AARSD1: variants seen among roughly 807,000 people sequenced by gnomAD.
AARSD1 encodes alanyl-tRNA synthetase domain containing 1, also known as alanyl-tRNA editing protein Aarsd1.
Under a neutral mutation model 48.7 loss-of-function variants are expected in AARSD1, and 44 were observed. The ratio of observed to expected loss-of-function variants is 0.90; its 90% CI spans 0.71 to 1.16. The LOEUF is 1.16. Among genes scored for constraint, AARSD1 ranks in the 50% most tolerant of loss-of-function variants. The pLI is 0.00. For synonymous variants in AARSD1, 189 were observed against 194.9 expected, an observed-to-expected ratio of 0.97 and a Z score of 0.25; for missense variants, 511 against 523.1, an observed-to-expected ratio of 0.98 and a Z score of 0.23.
intron 11 of AARSD1, among the ~76,000 whole-genome samples, chr17:42,951,549 CA>C (rs1367340684): frequency 1.3e-5 from 2 of 151,890 alleles, no homozygotes; most frequent in Non-Finnish European, 1.5e-5. Flanking sequence ...GACTCCATCT[CA>C]AAAAACAAAA....
At position 42,951,706 on chromosome 17, in the gene AARSD1, G is replaced by C. The variant is rs2049480976; in HGVS notation, c.1103+94C>G. 6.0e-6 allele frequency: 8 copies of C among 1,334,426 alleles called. No individual in the cohort carries two copies. The South Asian group carries it at 7.5e-5, about 12-fold the overall frequency. The allele number at this position is 1,334,426 out of a possible 1,614,324, so 82.7% of individuals were successfully genotyped here. On this transcript the variant is annotated intron_variant, in intron 11 of 11. Transcript: ENST00000427569. ...CATGCCCATGATGTGAATTAAATGA[G>C]ATCGCAGATGTGATGGTCCTTTGAC... is the stretch of plus-strand genomic sequence containing the variant.
At chr17:42,953,884 A>T (rs953838390) in intron 9 of AARSD1, 106 bp from the exon 10 acceptor site, 4 of 1,372,386 alleles carry the variant, frequency 2.9e-6, no homozygotes, top group Non-Finnish European at 4.1e-6. Flanking sequence ...CTATGTACAC[A>T]TAAAGTCCCA....
intron 3 of AARSD1, among the ~76,000 whole-genome samples, chr17:42,960,766 T>C (rs1211924678): frequency 6.7e-6 from 1 of 150,298 alleles, no homozygotes; most frequent in African/African-American, 2.4e-5. Flanking sequence ...GACTCAGTGA[T>C]TGGCTGGCTG....
intron 3 of AARSD1, among the ~76,000 whole-genome samples, chr17:42,958,369 C>T (rs1361395055): frequency 6.6e-6 from 1 of 151,224 alleles, no homozygotes; most frequent in Admixed American, 6.6e-5. Flanking sequence ...GGTGTGGTGG[C>T]ATGCACCTGT....
At chr17:42,957,625 C>T (rs964697263) in intron 3 of AARSD1, 45 of 153,972 alleles carry the variant, frequency 2.9e-4, no homozygotes, top group Non-Finnish European at 5.8e-5. Flanking sequence ...CGTGCATCAC[C>T]GTGCCCGGCT....
At chr17:42,959,373 G>A (rs1434054478) in intron 3 of AARSD1, among the ~76,000 whole-genome samples, 2 of 151,326 alleles carry the variant, frequency 1.3e-5, no homozygotes, top group African/African-American at 4.9e-5. Context: ...GCACCACCAC[G>A]CCCAGCTAAT....
intron 2 of AARSD1, 61 bp from the exon 3 acceptor site, chr17:42,961,412 C>A (rs576920281): frequency 1.2e-6 from 2 of 1,609,118 alleles, no homozygotes; most frequent in South Asian, 1.1e-5. Flanking sequence ...CTTCTAGGTA[C>A]AAAGACCCTC....
chr17:42,961,971 C>T (rs2049642990), intron 2 of AARSD1, among the ~76,000 whole-genome samples: 2 of 151,900 alleles, frequency 1.3e-5, no homozygotes, highest in South Asian at 4.2e-4. Context: ...CCACTACACT[C>T]CAGCCTGGGT....
intron 4 of AARSD1, 135 bp downstream of exon 4, chr17:42,957,003 C>T: frequency 1.1e-6 from 1 of 900,616 alleles, no homozygotes; most frequent in Non-Finnish European, 1.6e-6. Flanking sequence ...CTCGCTGTCA[C>T]CCATGCTGCC....
intron 3 of AARSD1, 68 bp from the exon 4 acceptor site, chr17:42,957,263 G>A: frequency 6.3e-7 from 1 of 1,587,716 alleles, no homozygotes; most frequent in Non-Finnish European, 8.6e-7. Context: ...GATAAAATAT[G>A]AGCTACAATG....
In AARSD1 at chr17:42,950,671, C is replaced by G. The variant is rs1262418451; in HGVS notation, c.1161G>C (p.Lys387Asn). The part of the protein sequence containing the change: ...GAGKKGRFQG[K>N]ATKMSRRMEA... ...CCATCCGCCGGCTCATCTTGGTGGCCTTGCCCTGAAAACGGCCTTTCTTCC... is the reference window on the plus strand; with the variant it reads ...CCATCCGCCGGCTCATCTTGGTGGCGTTGCCCTGAAAACGGCCTTTCTTCC... The change falls in exon 12 of 12, where the codon AAG becomes AAC. Residue 387 changes from lysine to asparagine, a missense_variant. By Grantham distance (94) the Lys-to-Asn change is moderately conservative. Transcript: ENST00000427569. 1 of 1,614,006 alleles carries G rather than the reference C, an allele frequency of 6.2e-7. No homozygotes were observed. Among genetic ancestry groups the G allele is most frequent in the East Asian group, 2.2e-5 (1 of 44,878 alleles).
intron 11 of AARSD1, 55 bp from the exon 12 acceptor site, chr17:42,950,783 A>C (rs950561399): frequency 2.8e-5 from 44 of 1,569,796 alleles, no homozygotes; most frequent in East Asian, 1.8e-4. Flanking sequence ...ACAAAAAAAA[A>C]CAAGGGCAGC....
intron 2 of AARSD1, among the ~76,000 whole-genome samples, chr17:42,963,383 A>T (rs916278347): frequency 6.6e-6 from 1 of 151,442 alleles, no homozygotes; most frequent in African/African-American, 2.4e-5. Flanking sequence ...CAGCCTGATG[A>T]CAGCGAGAGA....
At chr17:42,961,395 AC>A in intron 2 of AARSD1, 44 bp from the exon 3 acceptor site, 1 of 1,612,374 alleles carries the variant, frequency 6.2e-7, no homozygotes, top group Non-Finnish European at 8.5e-7. Flanking sequence ...GGCAGGGCTC[AC>A]CCTAACTTCT....
chr17:42,956,044 T>C, intron 6 of AARSD1, 72 bp from the exon 7 acceptor site: 12 of 1,610,580 alleles, frequency 7.5e-6, no homozygotes, highest in South Asian at 1.1e-5. Flanking sequence ...TCCTAGAACC[T>C]GAAGGCAGGA....
intron 11 of AARSD1, 84 bp from the exon 12 acceptor site, chr17:42,950,812 G>C: frequency 6.6e-7 from 1 of 1,524,458 alleles, no homozygotes; most frequent in Non-Finnish European, 8.7e-7. Context: ...TTTTTCCAGG[G>C]ACTGGGAGAG....
chr17:42,950,621 T>TA lies in AARSD1; in HGVS notation c.1210dup (p.Tyr404LeufsTer8). The TA allele has an allele frequency of 1.2e-6, 2 of 1,614,098 alleles. No homozygotes were observed. The highest frequency in any genetic ancestry group is 2.2e-5 in the South Asian group (2 of 91,060). On this transcript the variant is annotated frameshift_variant, in exon 12 of 12. Coordinates refer to ENST00000427569, the MANE Select transcript of AARSD1 (RefSeq NM_001261434.2). LOFTEE classifies it high-confidence loss of function. ...CTCCTTAGCACTCTGCGTGCTGATG[T>TA]AGTCCTGGAGAAGCGCCTGCGCCTC...
chr17:42,956,067 T>C, intron 6 of AARSD1, 95 bp from the exon 7 acceptor site: 1 of 1,609,614 alleles, frequency 6.2e-7, no homozygotes, highest in East Asian at 2.2e-5. Flanking sequence ...AACCTATCTG[T>C]TCCTCAGCTC....
chr17:42,961,887 C>A (rs536287795), intron 2 of AARSD1, among the ~76,000 whole-genome samples: 3 of 152,180 alleles, frequency 2.0e-5, no homozygotes, highest in South Asian at 4.2e-4. Context: ...ATGATACTCC[C>A]TGCTACTTGG....
Sources: gnomAD v4.1 joint callset for allele counts (sites outside exome capture counted in the v4.1 genomes callset) on GRCh38, gnomAD v4.1.1 for gene constraint, MANE v1.5 for transcripts, NCBI Gene and HGNC (gene_info 2026-07-23, HGNC 2026-07-21) for gene names.